Variants in MAML3 observed in about 807,000 individuals in gnomAD.
MAML3 encodes mastermind-like protein 3.
Under a neutral mutation model 101.9 loss-of-function variants are expected in MAML3, and 27 were observed. The observed-to-expected ratio is 0.27, with a 90% CI of 0.20 to 0.37. MAML3 has a LOEUF of 0.37. MAML3 is among the 10% of genes least tolerant of loss of function. The pLI is 1.00. For missense variants in MAML3, 1,316 were observed against 1,444.9 expected (o/e 0.91, Z 1.45); for synonymous variants, 501 against 555.9 (o/e 0.90, Z 1.39).
chr4:139,977,569 A>G lies in MAML3; in HGVS notation c.469-86602T>C, dbSNP rs144717355. Among the ~76,000 whole-genome samples, 46 of 152,256 alleles carry G rather than the reference A, an allele frequency of 3.0e-4. No individual in the cohort carries two copies. The East Asian group carries it at 8.5e-3, about 28-fold the overall frequency. On this transcript the variant is annotated intron_variant, in intron 1 of 4. Transcript: ENST00000509479. ...ATGAACATATAGATTAAGTCTCCAG[A>G]TAAGAATTAAAAGGATGTTCTGGCC...
chr4:139,753,341 AATCTATCTATCTATCTATCT>A (rs35975255), intron 2 of MAML3, among the ~76,000 whole-genome samples: 1 of 146,578 alleles, frequency 6.8e-6, no homozygotes, highest in African/African-American at 2.5e-5. Context: ...TTTTCTTTTT[AATCTATCTATCTATCTATCT>A]ATCTATCTAT....
chr4:140,008,976 T>C (rs1398953088), intron 1 of MAML3, among the ~76,000 whole-genome samples: 1 of 152,226 alleles, frequency 6.6e-6, no homozygotes, highest in Non-Finnish European at 1.5e-5. Flanking sequence ...CTTAAAACCT[T>C]TGCATATCTA....
chr4:139,812,457 T>C (rs143134368), intron 2 of MAML3, among the ~76,000 whole-genome samples: 16 of 152,344 alleles, frequency 1.1e-4, no homozygotes, highest in African/African-American at 3.8e-4. Flanking sequence ...TTGGTGGTTT[T>C]ACTCTTTGAA....
intron 2 of MAML3, among the ~76,000 whole-genome samples, chr4:139,839,273 T>C (rs535984228): frequency 7.9e-4 from 120 of 152,282 alleles, no homozygotes; most frequent in Non-Finnish European, 1.3e-3. Flanking sequence ...CAAAAGTCCA[T>C]TGCTGTCCAC....
chr4:139,923,917 C>G (rs1733175012), intron 1 of MAML3, among the ~76,000 whole-genome samples: 1 of 152,134 alleles, frequency 6.6e-6, no homozygotes, highest in African/African-American at 2.4e-5. Context: ...ATTTATGAGA[C>G]TCCCTATGAC....
chr4:139,814,797 T>A (rs1388532373), intron 2 of MAML3, among the ~76,000 whole-genome samples: 1 of 152,206 alleles, frequency 6.6e-6, no homozygotes, highest in Non-Finnish European at 1.5e-5. Flanking sequence ...CCCTTTGGAT[T>A]CTTGCCAAAA....
chr4:140,071,583 A>AT (rs999036950), intron 1 of MAML3, among the ~76,000 whole-genome samples: 1 of 152,048 alleles, frequency 6.6e-6, no homozygotes, highest in African/African-American at 2.4e-5. Context: ...AAACACATAC[A>AT]TAATAGCCCA....
chr4:140,093,603 T>C (rs578205804), intron 1 of MAML3, among the ~76,000 whole-genome samples: 6 of 151,772 alleles, frequency 4.0e-5, no homozygotes, highest in African/African-American at 1.2e-4. Flanking sequence ...ATTTTTTTTT[T>C]ATTTTTAGTA....
chr4:140,145,115 T>C (rs113564411), intron 1 of MAML3, among the ~76,000 whole-genome samples: 1,888 of 152,258 alleles, frequency 0.012, 13 homozygotes, highest in Non-Finnish European at 0.021. Flanking sequence ...TTTGAAGAGA[T>C]AGAAGCCCCT....
chr4:139,876,265 A>G (rs1732113030), intron 2 of MAML3, among the ~76,000 whole-genome samples: 1 of 152,256 alleles, frequency 6.6e-6, no homozygotes, highest in East Asian at 1.9e-4. Context: ...ACCTTTTGCA[A>G]CATGGCCAAT....
Position 140,153,213 on chromosome 4 carries a change from T to C in MAML3, c.115A>G (p.Ser39Gly). 6.4e-7 allele frequency: 1 copy of C among 1,564,814 alleles called. No homozygotes were observed. The highest frequency in any genetic ancestry group is 8.7e-7 in the Non-Finnish European group (1 of 1,154,044). ...AGIGVNNTPN[S>G]TPAAPSSNHP... ...TTGCTACTCGGAGCAGCGGGAGTACTATTGGGAGTATTATTCACACCGATC... is the reference window on the plus strand; with the variant it reads ...TTGCTACTCGGAGCAGCGGGAGTACCATTGGGAGTATTATTCACACCGATC... The change falls in exon 1 of 5, where the codon AGT (serine) becomes GGT (glycine). Residue 39 changes from serine (S) to glycine (G), a missense_variant. Ser to Gly is a moderately conservative substitution (Grantham distance 56). Transcript: ENST00000509479.
intron 1 of MAML3, among the ~76,000 whole-genome samples, chr4:139,983,045 T>A (rs1477306002): frequency 1.3e-5 from 2 of 152,218 alleles, no homozygotes; most frequent in East Asian, 3.8e-4. Flanking sequence ...TTTCATCTAT[T>A]CGTGATAGTT....
intron 1 of MAML3, among the ~76,000 whole-genome samples, chr4:139,981,242 GGT>G (rs1159654451): frequency 1.3e-5 from 2 of 152,098 alleles, no homozygotes; most frequent in African/African-American, 4.8e-5. Flanking sequence ...CAGACACCCC[GGT>G]GTTTCTTTTC....
At chr4:139,987,119 G>C (rs1327719536) in intron 1 of MAML3, among the ~76,000 whole-genome samples, 2 of 152,158 alleles carry the variant, frequency 1.3e-5, no homozygotes, top group African/African-American at 4.8e-5. Flanking sequence ...AGAAAAGCAG[G>C]CTGCTTTTTC....
Position 139,849,794 on chromosome 4 carries a change from T to A in MAML3, c.2079+39563A>T, listed in dbSNP as rs368378562. On this transcript the variant is annotated intron_variant, in intron 2 of 4. Transcript: ENST00000509479. ...AAAATATCCTTTTATGGTTCATTTG[T>A]GGATCAGCATGCTTCCTTGTAATGT... is the stretch of plus-strand genomic sequence containing the variant. 2.6e-5 allele frequency among the ~76,000 whole-genome samples: 4 copies of A among 152,234 alleles called. No homozygotes were observed. The South Asian group carries it at 8.3e-4, about 32-fold the overall frequency.
intron 2 of MAML3, among the ~76,000 whole-genome samples, chr4:139,764,724 G>C (rs1729819004): frequency 6.6e-6 from 1 of 152,194 alleles, no homozygotes; most frequent in African/African-American, 2.4e-5. Context: ...GGTGATAAGG[G>C]AGTGCTGTGC....
Position 139,719,082 on chromosome 4 carries a change from T to C in MAML3, c.*241A>G. 1 of 491,400 alleles carries C rather than the reference T, an allele frequency of 2.0e-6. No individual in the cohort carries two copies. The allele number at this position is 491,400 out of a possible 1,614,324, so 30.4% of individuals were successfully genotyped here. On this transcript the variant is annotated 3_prime_UTR_variant, in exon 5 of 5. Coordinates refer to ENST00000509479, the MANE Select transcript of MAML3 (RefSeq NM_018717.5). Reference sequence around the variant, plus strand: ...CTTCCCACCTGCTCCTCCGGGTGTCTCCCTCTCTCGCAGCCGGGATCTGCA... The same window carrying C: ...CTTCCCACCTGCTCCTCCGGGTGTCCCCCTCTCTCGCAGCCGGGATCTGCA...
At chr4:140,004,450 A>G (rs1312634199) in intron 1 of MAML3, among the ~76,000 whole-genome samples, 1 of 152,208 alleles carries the variant, frequency 6.6e-6, no homozygotes, top group African/African-American at 2.4e-5. Context: ...TTTGAAGCTC[A>G]TAAGAAACCT....
intron 1 of MAML3, among the ~76,000 whole-genome samples, chr4:140,141,324 A>G (rs574264188): frequency 1.4e-4 from 22 of 152,268 alleles, no homozygotes; most frequent in African/African-American, 4.8e-4. Context: ...AAGCAAGTCC[A>G]TTTTGATGCA....
Sources: allele counts gnomAD v4.1 joint callset (sites outside exome capture counted in the v4.1 genomes callset), GRCh38; gene constraint gnomAD v4.1.1; transcripts MANE v1.5; gene names NCBI Gene and HGNC (gene_info 2026-07-23, HGNC 2026-07-21).